The following TBC1D2B variants were observed in gnomAD, a reference collection of about 807,000 sequenced individuals.
TBC1D2B encodes TBC1 domain family, member 2B.
Under a neutral mutation model 100.8 loss-of-function variants are expected in TBC1D2B, and 64 were observed. The ratio of observed to expected loss-of-function variants is 0.64; its 90% CI spans 0.52 to 0.78. TBC1D2B has a LOEUF of 0.78. TBC1D2B is among the 30% of genes least tolerant of loss of function. TBC1D2B has a pLI of 0.00. For missense variants in TBC1D2B, 1,052 were observed against 1,218.4 expected (o/e 0.86, Z 2.03); for synonymous variants, 480 against 479.7 (o/e 1.00, Z -0.01).
chr15:78,000,432 C>T (rs1218796017), intron 12 of TBC1D2B, among the ~76,000 whole-genome samples: 1 of 152,244 alleles, frequency 6.6e-6, no homozygotes, highest in African/African-American at 2.4e-5. Flanking sequence ...CTGTCACTCT[C>T]GGCAATCCTG....
chr15:78,011,637 ATTTTTTGGT>A (rs1362422025), intron 9 of TBC1D2B, among the ~76,000 whole-genome samples: 1 of 74,916 alleles, frequency 1.3e-5, no homozygotes, highest in African/African-American at 5.3e-5. Context: ...TGCCCAGCTA[ATTTTTTGGT>A]TTTTTTTTTT....
intron 6 of TBC1D2B, among the ~76,000 whole-genome samples, chr15:78,019,942 T>G (rs963194814): frequency 1.3e-5 from 2 of 150,124 alleles, no homozygotes; most frequent in East Asian, 2.0e-4. Context: ...CAGGCTGGAG[T>G]GCAGTAGCAT....
At chr15:78,011,658 T>G (rs145300036) in intron 9 of TBC1D2B, among the ~76,000 whole-genome samples, 8,088 of 148,854 alleles carry the variant, frequency 0.054, 333 homozygotes, top group Middle Eastern at 0.13. Context: ...TTTTTTTTTT[T>G]TTTTTTTTTA....
At chr15:78,062,203 T>C (rs2073561617) in intron 1 of TBC1D2B, among the ~76,000 whole-genome samples, 1 of 152,206 alleles carries the variant, frequency 6.6e-6, no homozygotes, top group African/African-American at 2.4e-5. Context: ...CACAAGAAAC[T>C]GCTGTCCTAA....
At chr15:78,017,429 A>T (rs2072405430) in intron 7 of TBC1D2B, 1 of 155,680 alleles carries the variant, frequency 6.4e-6, no homozygotes, top group African/African-American at 2.4e-5. Context: ...AAAACTGAAC[A>T]GCATAAATCA....
At chr15:78,023,426 C>T (rs756780215) in intron 6 of TBC1D2B, among the ~76,000 whole-genome samples, 3 of 152,218 alleles carry the variant, frequency 2.0e-5, no homozygotes, top group African/African-American at 4.8e-5. Context: ...GGCCTCCCCT[C>T]TGAATCATTA....
intron 3 of TBC1D2B, chr15:78,034,733 T>C (rs994268947): frequency 2.0e-6 from 2 of 985,320 alleles, no homozygotes; most frequent in African/African-American, 3.5e-5. Context: ...GTGCTACTTG[T>C]CAAGTCCTGG....
chr15:78,001,787 C>T, intron 11 of TBC1D2B, 47 bp from the exon 12 acceptor site: 1 of 1,563,928 alleles, frequency 6.4e-7, no homozygotes, highest in African/African-American at 1.4e-5. Context: ...CCCTGTGGGT[C>T]CAGGCACAAG....
At chr15:78,043,171 C>T (rs567216953) in intron 3 of TBC1D2B, among the ~76,000 whole-genome samples, 6 of 152,204 alleles carry the variant, frequency 3.9e-5, no homozygotes, top group Admixed American at 6.5e-5. Flanking sequence ...AATTCAACCA[C>T]GAAGGTACAA....
In TBC1D2B at chr15:78,038,706, T is replaced by C. The variant is rs539778709; in HGVS notation, c.683+6194A>G. On this transcript the variant is annotated intron_variant, in intron 3 of 12. Transcript: ENST00000300584. ...CCAACTCTAAATACAACCGGAGACA[T>C]GGCCCAATTGCTCCCTTGGTGGCCC... is the stretch of plus-strand genomic sequence containing the variant. 3.3e-5 allele frequency among the ~76,000 whole-genome samples: 5 copies of C among 152,282 alleles called. No homozygotes were observed. In the South Asian group the frequency reaches 1.0e-3, roughly 32 times the overall value.
At chr15:78,058,284 C>T (rs183154217) in intron 1 of TBC1D2B, among the ~76,000 whole-genome samples, 1 of 152,292 alleles carries the variant, frequency 6.6e-6, no homozygotes, top group Non-Finnish European at 1.5e-5. Flanking sequence ...AACAGTACCT[C>T]AGGATTATAA....
At chr15:78,065,368 C>T (rs1168031597) in intron 1 of TBC1D2B, among the ~76,000 whole-genome samples, 1 of 152,202 alleles carries the variant, frequency 6.6e-6, no homozygotes, top group Non-Finnish European at 1.5e-5. Flanking sequence ...TGTGAGGGAT[C>T]TGGCCACATC....
At position 77,998,143 on chromosome 15, in the gene TBC1D2B, C is replaced by T; in HGVS notation, c.*17G>A. ...ACTTTGGTTGTGAAGGAAGGAAGAG[C>T]AGCATCCCGAGCCCACTCAGGTATC... On this transcript the variant is annotated 3_prime_UTR_variant, in exon 13 of 13. Coordinates refer to ENST00000300584, the MANE Select transcript of TBC1D2B (RefSeq NM_144572.2). The T allele has an allele frequency of 1.3e-6, 2 of 1,494,034 alleles. No individual in the cohort carries two copies. The highest frequency in any genetic ancestry group is 1.3e-5 in the South Asian group (1 of 76,798). 92.5% of individuals were successfully genotyped at this position (1,494,034 alleles called of 1,614,324 possible).
At chr15:78,024,116 T>C (rs2072589332) in intron 6 of TBC1D2B, 40 bp downstream of exon 6, 1 of 1,563,784 alleles carries the variant, frequency 6.4e-7, no homozygotes, top group South Asian at 1.2e-5. Flanking sequence ...ACATCGGTGG[T>C]CTCTCATGCC....
At chr15:78,020,978 G>C (rs1423589062) in intron 6 of TBC1D2B, among the ~76,000 whole-genome samples, 3 of 152,174 alleles carry the variant, frequency 2.0e-5, no homozygotes, top group African/African-American at 7.2e-5. Flanking sequence ...AAGTGCTGGG[G>C]CCACAGTGTT....
chr15:78,001,909 C>A, intron 11 of TBC1D2B, 169 bp from the exon 12 acceptor site: 1 of 641,610 alleles, frequency 1.6e-6, no homozygotes, highest in Non-Finnish European at 2.5e-6. Flanking sequence ...CTGGCTAGGC[C>A]AAGACTCCTT....
chr15:78,042,870 G>A (rs533306765), intron 3 of TBC1D2B, among the ~76,000 whole-genome samples: 13 of 152,324 alleles, frequency 8.5e-5, no homozygotes, highest in Non-Finnish European at 1.0e-4. Flanking sequence ...GGCTATCAGC[G>A]TAGGGAGATG....
rs142585404 is a variant in TBC1D2B, at chr15:78,017,898, G to C, written c.1530C>G (p.Leu510=). 882 of 1,611,786 alleles carry C rather than the reference G, an allele frequency of 5.5e-4. 1 individual carries two copies. The highest frequency in any genetic ancestry group is 5.3e-4 in the Non-Finnish European group (622 of 1,179,038). The stretch of plus-strand genomic sequence containing the variant: ...TTTCTGCATTTCTTCGTAGAGCTGA[G>C]AGTTCCAAAATCTCCTTATTTAGAA... ...NKFLNKEILE[L]SALRRNAERR... Residue 510 remains leucine (L), a synonymous_variant, in exon 7 of 13, where the codon CTC becomes CTG. Transcript: ENST00000300584.
At chr15:78,074,840 A>G (rs979607737) in intron 1 of TBC1D2B, among the ~76,000 whole-genome samples, 4 of 152,274 alleles carry the variant, frequency 2.6e-5, no homozygotes, top group Non-Finnish European at 4.4e-5. Flanking sequence ...GTTGACACCT[A>G]TAGCTCTAGT....
Sources: gnomAD v4.1 joint callset for allele counts (sites outside exome capture counted in the v4.1 genomes callset) on GRCh38, gnomAD v4.1.1 for gene constraint, MANE v1.5 for transcripts, NCBI Gene and HGNC (gene_info 2026-07-23, HGNC 2026-07-21) for gene names.